PTPRZ1: variants seen among roughly 807,000 people sequenced by gnomAD.
PTPRZ1 encodes the protein receptor-type tyrosine-protein phosphatase zeta.
Under a neutral mutation model 214.1 loss-of-function variants are expected in PTPRZ1, and 82 were observed. The ratio of observed to expected loss-of-function variants is 0.38; its 90% confidence interval spans 0.32 to 0.46. PTPRZ1 has a LOEUF of 0.46. Ranked by LOEUF, PTPRZ1 falls within the 20% of genes least tolerant of loss-of-function variation. The pLI is 1.00. For missense variants in PTPRZ1, 2,603 were observed against 2,748.7 expected (o/e 0.95, Z 1.19); for synonymous variants, 945 against 987.9 (o/e 0.96, Z 0.81).
chr7:121,887,094 AG>A (rs1794419762), intron 1 of PTPRZ1, among the ~76,000 whole-genome samples: 1 of 151,936 alleles, frequency 6.6e-6, no homozygotes, highest in South Asian at 2.1e-4. Context: ...TTCCACAGGA[AG>A]GGAAACATCA....
In PTPRZ1 at chr7:122,056,303, T is replaced by C. The variant is rs565097810; in HGVS notation, c.6528+1216T>C. 3.2e-4 allele frequency among the ~76,000 whole-genome samples: 49 copies of C among 151,970 alleles called. No homozygotes were observed. In the South Asian group the frequency reaches 5.6e-3, roughly 17 times the overall value. On this transcript the variant is annotated intron_variant, in intron 27 of 29. Transcript: ENST00000393386. ...CACTGGGAAATTAGCACTGTTTTTCTCCTAGTATTATTCAGAAAATAAACT... is the reference window on the plus strand; with the variant it reads ...CACTGGGAAATTAGCACTGTTTTTCCCCTAGTATTATTCAGAAAATAAACT...
At chr7:122,035,339 G>A (rs932138554) in intron 17 of PTPRZ1, among the ~76,000 whole-genome samples, 4 of 152,068 alleles carry the variant, frequency 2.6e-5, no homozygotes, top group African/African-American at 9.7e-5. Context: ...CTTTATGTTT[G>A]TCTTCCTGAA....
At chr7:122,056,872 C>T (rs1370457894) in intron 27 of PTPRZ1, among the ~76,000 whole-genome samples, 8 of 151,760 alleles carry the variant, frequency 5.3e-5, no homozygotes, top group Non-Finnish European at 8.9e-5. Flanking sequence ...CCTTCACACG[C>T]GTGCTGCTTA....
At chr7:121,919,820 A>AT (rs542387333) in intron 1 of PTPRZ1, among the ~76,000 whole-genome samples, 3 of 150,926 alleles carry the variant, frequency 2.0e-5, no homozygotes, top group Non-Finnish European at 3.0e-5. Context: ...CTATCAATTC[A>AT]TTTTTTTAGT....
At chr7:122,035,682 T>C (rs1030889379) in intron 17 of PTPRZ1, among the ~76,000 whole-genome samples, 5 of 152,202 alleles carry the variant, frequency 3.3e-5, no homozygotes, top group Non-Finnish European at 7.3e-5. Context: ...CATTTGCACA[T>C]ACATTCCTGT....
At chr7:121,882,861 A>G (rs1230292498) in intron 1 of PTPRZ1, among the ~76,000 whole-genome samples, 1 of 152,178 alleles carries the variant, frequency 6.6e-6, no homozygotes, top group Non-Finnish European at 1.5e-5. Flanking sequence ...TTTCAGATAC[A>G]TTATCTCACT....
At chr7:121,879,069 A>G (rs1224156979) in intron 1 of PTPRZ1, among the ~76,000 whole-genome samples, 1 of 152,168 alleles carries the variant, frequency 6.6e-6, no homozygotes, top group Non-Finnish European at 1.5e-5. Flanking sequence ...ACGTAAGCAT[A>G]TAGGCATCCT....
chr7:121,996,638 G>T, intron 9 of PTPRZ1, 72 bp downstream of exon 9: 1 of 1,186,858 alleles, frequency 8.4e-7, no homozygotes, highest in Non-Finnish European at 1.1e-6. Context: ...ACTTACAAAT[G>T]GTTGTATATT....
At chr7:121,881,816 G>A (rs1463322668) in intron 1 of PTPRZ1, among the ~76,000 whole-genome samples, 1 of 152,100 alleles carries the variant, frequency 6.6e-6, no homozygotes, top group African/African-American at 2.4e-5. Context: ...ACCAGCTTCC[G>A]AGATGGGGAC....
At chr7:121,958,433 C>T (rs1053528881) in intron 2 of PTPRZ1, among the ~76,000 whole-genome samples, 1 of 152,204 alleles carries the variant, frequency 6.6e-6, no homozygotes, top group Non-Finnish European at 1.5e-5. Context: ...TTTGGTGCCA[C>T]TGCTCCCCTT....
intron 15 of PTPRZ1, among the ~76,000 whole-genome samples, chr7:122,033,532 ATATT>A (rs1477024876): frequency 6.6e-6 from 1 of 152,062 alleles, no homozygotes; most frequent in Admixed American, 6.6e-5. Context: ...TGCTAATTAA[ATATT>A]TAGAGTGTTA....
At position 122,011,104 on chromosome 7, in the gene PTPRZ1, T is replaced by C. The variant is rs1798646849; in HGVS notation, c.2058T>C (p.Ser686=). ...TNYTEIRVDE[S]EKTTKSFSAG... ...ACACTGAGATACGTGTTGATGAATC[T>C]GAGAAGACAACCAAGTCCTTTTCTG... The change falls in exon 12 of 30, where the codon TCT becomes TCC. Residue 686 remains serine (S), a synonymous_variant. Transcript: ENST00000393386. 6.2e-7 allele frequency: 1 copy of C among 1,614,132 alleles called. No homozygotes were observed. Among genetic ancestry groups the C allele is most frequent in the Non-Finnish European group, 8.5e-7 (1 of 1,180,012 alleles).
At chr7:122,014,685 G>A (rs901497557) in intron 12 of PTPRZ1, among the ~76,000 whole-genome samples, 8 of 152,196 alleles carry the variant, frequency 5.3e-5, no homozygotes, top group East Asian at 1.9e-4. Flanking sequence ...TGATCCACCC[G>A]CCTCGGCCTC....
At chr7:121,987,729 T>G (rs775345443) in intron 8 of PTPRZ1, among the ~76,000 whole-genome samples, 1 of 152,222 alleles carries the variant, frequency 6.6e-6, no homozygotes, top group Non-Finnish European at 1.5e-5. Context: ...CATATGCACT[T>G]ATATGTTCAT....
At chr7:121,874,110 G>T (rs190660118) in intron 1 of PTPRZ1, among the ~76,000 whole-genome samples, 22 of 150,750 alleles carry the variant, frequency 1.5e-4, no homozygotes, top group Non-Finnish European at 2.4e-4. Context: ...ACTTTTCAGG[G>T]TTTTTTTTAT....
At chr7:122,051,619 C>T (rs41281701) in intron 24 of PTPRZ1, 98 bp downstream of exon 24, 13,755 of 1,003,342 alleles carry the variant, frequency 0.014, 151 homozygotes, top group Non-Finnish European at 0.018. Context: ...GCAAATGGAG[C>T]ACATTCAAAT....
intron 15 of PTPRZ1, among the ~76,000 whole-genome samples, chr7:122,032,287 A>G (rs1342472013): frequency 1.3e-5 from 2 of 152,184 alleles, no homozygotes; most frequent in East Asian, 3.8e-4. Context: ...TTCACATTCA[A>G]CTTTCACCCA....
rs1799373045 is a variant in PTPRZ1 at position 122,031,515 on chromosome 7, G to C, written c.5122G>C (p.Val1708Leu). ...AIPIKHFPKH[V>L]ADLHASSGFT... ...TCCAATAAAGCACTTTCCAAAGCAT[G>C]TTGCAGATTTACATGCAAGTAGTGG... Residue 1708 changes from valine (V) to leucine (L), a missense_variant, in exon 15 of 30, where the codon GTT becomes CTT. Transcript: ENST00000393386. The C allele has an allele frequency of 6.2e-7, 1 of 1,611,228 alleles. No individual in the cohort carries two copies. Among genetic ancestry groups the C allele is most frequent in the Admixed American group, 1.7e-5 (1 of 59,922 alleles).
rs559164306 is a variant in PTPRZ1 at position 122,011,401 on chromosome 7, T to C, written c.2355T>C (p.Pro785=). The C allele has an allele frequency of 5.0e-6, 8 of 1,614,056 alleles. 1 individual carries two copies. The Admixed American group carries it at 1.3e-4, about 27-fold the overall frequency. ...ACAATCAGATCCTCAACACTACCCCTGCTGCTTCAAGTAGTGATTCGGCCT... is the reference window on the plus strand; with the variant it reads ...ACAATCAGATCCTCAACACTACCCCCGCTGCTTCAAGTAGTGATTCGGCCT... ...LLDNQILNTT[P]AASSSDSALH... is the part of the protein sequence containing the mutation. The change falls in exon 12 of 30, where the codon CCT becomes CCC. Residue 785 remains proline (P), a synonymous_variant. Coordinates refer to ENST00000393386, the MANE Select transcript of PTPRZ1 (RefSeq NM_002851.3).
Sources: gnomAD v4.1 joint callset for allele counts (sites outside exome capture counted in the v4.1 genomes callset) on GRCh38, gnomAD v4.1.1 for gene constraint, MANE v1.5 for transcripts, NCBI Gene and HGNC (gene_info 2026-07-23, HGNC 2026-07-21) for gene names.